Variants in PLCB1 observed in about 807,000 individuals in gnomAD.
The protein encoded by PLCB1 is phospholipase C beta 1.
Under a neutral mutation model 161.8 loss-of-function variants are expected in PLCB1, and 46 were observed. That is an observed-to-expected ratio of 0.28 (90% confidence interval 0.22 to 0.36). The LOEUF (loss-of-function observed/expected upper bound fraction) is 0.36, where lower values mean the gene tolerates loss of function less well. Among genes scored for constraint, PLCB1 ranks in the 10% least tolerant of loss-of-function variants. The pLI, the probability that PLCB1 is intolerant of heterozygous loss-of-function variation, is 1.00. For missense variants in PLCB1, 1,016 were observed against 1,472.5 expected (o/e 0.69, Z 5.07); for synonymous variants, 517 against 503.7 (o/e 1.03, Z -0.35).
intron 2 of PLCB1, among the ~76,000 whole-genome samples, chr20:8,216,818 A>G (rs532331344): frequency 6.6e-6 from 1 of 152,178 alleles, no homozygotes; most frequent in Admixed American, 6.6e-5. Flanking sequence ...CTATATAGAA[A>G]CTCAAGTACA....
intron 31 of PLCB1, among the ~76,000 whole-genome samples, chr20:8,867,505 G>T (rs375482344): frequency 6.6e-6 from 1 of 152,226 alleles, no homozygotes. Flanking sequence ...AAAATAATTA[G>T]CCTCTGAATG....
chr20:8,691,640 A>G (rs1319088405), intron 10 of PLCB1, among the ~76,000 whole-genome samples: 1 of 152,146 alleles, frequency 6.6e-6, no homozygotes, highest in Non-Finnish European at 1.5e-5. Context: ...TATTCAGGAT[A>G]TTTTCTTTGA....
intron 4 of PLCB1, among the ~76,000 whole-genome samples, chr20:8,636,460 G>A (rs62198918): frequency 0.13 from 20,543 of 152,200 alleles, 1,720 homozygotes; most frequent in Non-Finnish European, 0.18. Flanking sequence ...GGCAAATGAA[G>A]GATGCACAAC....
intron 18 of PLCB1, 101 bp downstream of exon 18, chr20:8,729,275 T>C: frequency 8.9e-7 from 1 of 1,120,610 alleles, no homozygotes; most frequent in Non-Finnish European, 1.2e-6. Context: ...CAGACTTCAC[T>C]GAAAAAATAA....
At chr20:8,850,738 C>T (rs1986857166) in intron 31 of PLCB1, among the ~76,000 whole-genome samples, 1 of 152,128 alleles carries the variant, frequency 6.6e-6, no homozygotes, top group Non-Finnish European at 1.5e-5. Context: ...AGGAGATGAG[C>T]CCTCACCAGA....
At position 8,828,997 on chromosome 20, in the gene PLCB1, C is replaced by G. The variant is rs150064235; in HGVS notation, c.3423+38736C>G. On this transcript the variant is annotated intron_variant, in intron 31 of 31. Coordinates refer to ENST00000338037, the MANE Select transcript of PLCB1 (RefSeq NM_015192.4). Reference sequence around the variant, plus strand: ...GTATTCTTATTGATGCCTGTAACTTCCTTTGAAATGCACCCAAAAGGATAA... The same window carrying G: ...GTATTCTTATTGATGCCTGTAACTTGCTTTGAAATGCACCCAAAAGGATAA... 6.0e-4 allele frequency among the ~76,000 whole-genome samples: 91 copies of G among 152,172 alleles called. 2 individuals carry two copies. The East Asian group carries it at 0.015, about 25-fold the overall frequency.
chr20:8,840,723 C>G (rs531435676), intron 31 of PLCB1, among the ~76,000 whole-genome samples: 2 of 152,294 alleles, frequency 1.3e-5, no homozygotes, highest in Non-Finnish European at 2.9e-5. Context: ...GCAGAGACCC[C>G]TTTAAGACCG....
At chr20:8,243,845 G>A (rs905143109) in intron 2 of PLCB1, among the ~76,000 whole-genome samples, 1 of 151,956 alleles carries the variant, frequency 6.6e-6, no homozygotes, top group Non-Finnish European at 1.5e-5. Context: ...CCAAAGTGGT[G>A]TGCTGTTAGT....
Position 8,359,835 on chromosome 20 carries a change from C to A in PLCB1, c.178-11547C>A, listed in dbSNP as rs551603642. ...AAACATACAGAAATATATCTAAAGC[C>A]AAAAAAGTAAGTAATATAAAAATAT... On this transcript the variant is annotated intron_variant, in intron 2 of 31. Transcript: ENST00000338037. Among the ~76,000 whole-genome samples the A allele has an allele frequency of 2.6e-3, 398 of 151,830 alleles. 2 individuals are homozygous for A. Among genetic ancestry groups the A allele is most frequent in the African/African-American group, 9.0e-3 (374 of 41,396 alleles).
At chr20:8,831,979 T>TTTCTTTCC (rs1568617143) in intron 31 of PLCB1, among the ~76,000 whole-genome samples, 5 of 115,556 alleles carry the variant, frequency 4.3e-5, no homozygotes, top group African/African-American at 1.6e-4. Flanking sequence ...TCTTTCTTTC[T>TTTCTTTCC]TTCCTTCTTT....
At chr20:8,371,225 T>C (rs1000365390) in intron 2 of PLCB1, 157 bp from the exon 3 acceptor site, 1 of 550,642 alleles carries the variant, frequency 1.8e-6, no homozygotes, top group Non-Finnish European at 3.2e-6. Context: ...TCCAACCTAA[T>C]TCAATTGAGA....
At chr20:8,346,438 C>T (rs1165154823) in intron 2 of PLCB1, among the ~76,000 whole-genome samples, 2 of 152,140 alleles carry the variant, frequency 1.3e-5, no homozygotes. Flanking sequence ...AGCTTTGCAC[C>T]AAAGCAAGGC....
rs780696496 is a variant in PLCB1, at chr20:8,132,601, C to G, written c.-51C>G. 6.0e-6 allele frequency: 8 copies of G among 1,341,358 alleles called. No homozygotes were observed. The highest frequency in any genetic ancestry group is 3.0e-5 in the African/African-American group (2 of 66,646). The allele number at this position is 1,341,358 out of a possible 1,614,324, so 83.1% of individuals were successfully genotyped here. A position where few individuals can be genotyped will look rare whatever the true frequency, so the allele number is the denominator to read the frequency against. ...CGCGCCCCGCGCCCCGCGCACGGTC[C>G]CCAGTCCCTGCCGCGCTCGCCCGGG... On this transcript the variant is annotated 5_prime_UTR_variant, in exon 1 of 32. Coordinates refer to ENST00000338037, the MANE Select transcript of PLCB1 (RefSeq NM_015192.4). The surrounding 1 kb of genome is among the most constrained non-coding windows in gnomAD (Gnocchi z 5.2).
intron 2 of PLCB1, among the ~76,000 whole-genome samples, chr20:8,189,685 G>A (rs144982107): frequency 4.2e-4 from 64 of 152,112 alleles, no homozygotes; most frequent in African/African-American, 1.3e-3. Context: ...CTTAAGAAAC[G>A]TGCATATGAC....
chr20:8,842,776 C>T (rs569291214), intron 31 of PLCB1, among the ~76,000 whole-genome samples: 12 of 152,258 alleles, frequency 7.9e-5, no homozygotes, highest in African/African-American at 2.6e-4. Flanking sequence ...GGGATTTTCA[C>T]GATACTTTTC....
At chr20:8,407,663 T>A (rs1182088522) in intron 3 of PLCB1, among the ~76,000 whole-genome samples, 2 of 152,154 alleles carry the variant, frequency 1.3e-5, no homozygotes, top group African/African-American at 4.8e-5. Context: ...ATGTGGGAAT[T>A]CTGAGAGATA....
intron 11 of PLCB1, among the ~76,000 whole-genome samples, chr20:8,703,319 T>C (rs1978474542): frequency 6.6e-6 from 1 of 152,252 alleles, no homozygotes; most frequent in Admixed American, 6.5e-5. Flanking sequence ...GATGTTATCA[T>C]TGAAATTCAT....
intron 9 of PLCB1, among the ~76,000 whole-genome samples, chr20:8,679,658 A>G (rs1381898415): frequency 3.9e-5 from 6 of 152,214 alleles, no homozygotes; most frequent in Non-Finnish European, 7.3e-5. Flanking sequence ...TGAGGGATTT[A>G]CATGTTTTGT....
Position 8,255,517 on chromosome 20 carries a change from G to A in PLCB1, c.177+105146G>A, listed in dbSNP as rs187182099. On this transcript the variant is annotated intron_variant, in intron 2 of 31. Transcript: ENST00000338037. The stretch of plus-strand genomic sequence containing the variant: ...TATTACTTAAGGTATGATACAAAAT[G>A]TTAAGACTTTTATATATCATACGCT... 2.1e-3 allele frequency among the ~76,000 whole-genome samples: 325 copies of A among 152,078 alleles called. 1 individual carries two copies. Among genetic ancestry groups the A allele is most frequent in the African/African-American group, 7.6e-3 (316 of 41,530 alleles).
Sources: gnomAD v4.1 joint callset for allele counts (sites outside exome capture counted in the v4.1 genomes callset) on GRCh38, gnomAD v4.1.1 for gene constraint, Gnocchi (gnomAD v3.1) non-coding constraint, MANE v1.5 for transcripts, NCBI Gene and HGNC (gene_info 2026-07-23, HGNC 2026-07-21) for gene names.